The following EPHA8 variants were observed in gnomAD, a reference collection of about 807,000 sequenced individuals.
EPHA8 encodes EPH receptor A8.
EPHA8 carries 58 observed loss-of-function variants against 103.6 expected under a neutral mutation model. That is an observed-to-expected ratio of 0.56 (90% CI 0.45 to 0.70). The LOEUF (loss-of-function observed/expected upper bound fraction) is 0.70, where lower values mean the gene tolerates loss of function less well. Ranked by LOEUF, EPHA8 falls within the 30% of genes least tolerant of loss-of-function variation. The pLI is 0.00. For missense variants in EPHA8, 1,304 were observed against 1,395.2 expected, an observed-to-expected ratio of 0.93 and a Z score of 1.04; for synonymous variants, 559 against 572.5, an observed-to-expected ratio of 0.98 and a Z score of 0.34.
intron 8 of EPHA8, 88 bp from the exon 9 acceptor site, chr1:22,596,018 A>G: frequency 1.6e-6 from 2 of 1,235,476 alleles, no homozygotes; most frequent in Non-Finnish European, 1.2e-6. Flanking sequence ...GGGCATGAAG[A>G]GAGAAGCCAT....
rs147123754 is a variant in EPHA8 at position 22,598,961 on chromosome 1, G to A, written c.2302G>A (p.Val768Ile). The change falls in exon 13 of 17, where the codon GTT becomes ATT. Residue 768 changes from valine (V) to isoleucine (I), a missense_variant. Val to Ile is a conservative substitution (Grantham distance 29, BLOSUM62 3). Coordinates refer to ENST00000166244, the MANE Select transcript of EPHA8 (RefSeq NM_020526.5). The surrounding 1 kb of genome is among the most constrained non-coding windows in gnomAD (Gnocchi z 5.1). ...AGACCTGGCCGCCCGCAACGTCCTGGTTGACAGCAACCTGGTCTGCAAGGT... is the reference window on the plus strand; with the variant it reads ...AGACCTGGCCGCCCGCAACGTCCTGATTGACAGCAACCTGGTCTGCAAGGT... ...HRDLAARNVL[V>I]DSNLVCKVSD... 6 of 1,611,904 alleles carry A rather than the reference G, an allele frequency of 3.7e-6. No homozygotes were observed. The African/African-American group carries it at 6.7e-5, about 18-fold the overall frequency.
chr1:22,586,689 C>A (rs2148249498), intron 4 of EPHA8, 54 bp downstream of exon 4: 1 of 1,591,372 alleles, frequency 6.3e-7, no homozygotes, highest in South Asian at 1.1e-5. Flanking sequence ...GGGCCGGGCC[C>A]CTGTGTTTGG....
chr1:22,578,135 CAT>C (rs1446548675), intron 3 of EPHA8, among the ~76,000 whole-genome samples: 13 of 76,346 alleles, frequency 1.7e-4, no homozygotes, highest in Admixed American at 4.3e-4. Flanking sequence ...TGCATGTGTG[CAT>C]GTGTGTATGT....
At position 22,602,702 on chromosome 1, in the gene EPHA8, C is replaced by T. The variant is rs1641773942; in HGVS notation, c.*961C>T. The T allele has an allele frequency of 6.5e-6, 1 of 152,758 alleles. No individual in the cohort carries two copies. Among genetic ancestry groups the T allele is most frequent in the Non-Finnish European group, 1.5e-5 (1 of 68,266 alleles). 9.5% of individuals were successfully genotyped at this position (152,758 alleles called of 1,614,324 possible). A position where few individuals can be genotyped will look rare whatever the true frequency, so the allele number is the denominator to read the frequency against. ...CCCAGCCCTGACACCTGCCCTTTGT[C>T]CCCCAGGCCTAGGATCAGGGACCAG... On this transcript the variant is annotated 3_prime_UTR_variant, in exon 17 of 17. Transcript: ENST00000166244.
At chr1:22,572,045 T>G (rs1379843329) in intron 2 of EPHA8, among the ~76,000 whole-genome samples, 2 of 151,938 alleles carry the variant, frequency 1.3e-5, no homozygotes, top group South Asian at 4.1e-4. Context: ...AAATAAAAAA[T>G]AATAAGCTTT....
rs1641593823 is a variant in EPHA8 at position 22,598,824 on chromosome 1, A to ATGTCCCCCTGCAGACCCACGAC, written c.2179-13_2187dup. On this transcript the variant is annotated splice_polypyrimidine_tract_variant and intron_variant, in intron 12 of 16. Transcript: ENST00000166244. This position sits in a 1 kb window ranked among gnomAD's most constrained non-coding sequence, Gnocchi z 5.1. Reference sequence around the variant, plus strand: ...GCCGGGCTTTCCTGAAGTCCAAGCCATGTCCCCCTGCAGACCCACGACGGG... The same window carrying ATGTCCCCCTGCAGACCCACGAC: ...GCCGGGCTTTCCTGAAGTCCAAGCCATGTCCCCCTGCAGACCCACGACTGTCCCCCTGCAGACCCACGACGGG... 6.2e-7 allele frequency: 1 copy of ATGTCCCCCTGCAGACCCACGAC among 1,610,268 alleles called. No individual in the cohort carries two copies. Among genetic ancestry groups the ATGTCCCCCTGCAGACCCACGAC allele is most frequent in the African/African-American group, 1.3e-5 (1 of 74,782 alleles).
chr1:22,597,893 C>A lies in EPHA8; in HGVS notation c.2116+32C>A. On this transcript the variant is annotated intron_variant, in intron 11 of 16. Transcript: ENST00000166244. This position sits in a 1 kb window ranked among gnomAD's most constrained non-coding sequence, Gnocchi z 4.6. ...GCCGGGCAAAGACAGCCTCCCCCTG[C>A]AGTGCCCCTCCTGCCTGGAGAGGCC... 2 of 1,590,300 alleles carry A rather than the reference C, an allele frequency of 1.3e-6. No homozygotes were observed. The highest frequency in any genetic ancestry group is 8.6e-7 in the Non-Finnish European group (1 of 1,167,182).
intron 2 of EPHA8, among the ~76,000 whole-genome samples, chr1:22,572,756 C>T (rs1211412645): frequency 6.6e-6 from 1 of 152,216 alleles, no homozygotes; most frequent in Non-Finnish European, 1.5e-5. Context: ...GGGAGGAGGA[C>T]AGAGTTGGGG....
In EPHA8 at chr1:22,598,776, C is replaced by T. The variant is rs1473575577; in HGVS notation, c.2179-62C>T. The T allele has an allele frequency of 1.9e-5, 29 of 1,546,522 alleles. No homozygotes were observed. Among genetic ancestry groups the T allele is most frequent in the Non-Finnish European group, 2.5e-5 (28 of 1,132,060 alleles). On this transcript the variant is annotated intron_variant, in intron 12 of 16. Coordinates refer to ENST00000166244, the MANE Select transcript of EPHA8 (RefSeq NM_020526.5). This position sits in a 1 kb window ranked among gnomAD's most constrained non-coding sequence, Gnocchi z 5.1. ...GAGCATCCTACAGATGGGAGGTGTT[C>T]CTGTTCACGGACCAGGCGCCTCGCC... is the stretch of plus-strand genomic sequence containing the variant.
intron 2 of EPHA8, among the ~76,000 whole-genome samples, chr1:22,572,808 A>C (rs930484193): frequency 1.3e-5 from 2 of 152,140 alleles, no homozygotes; most frequent in Non-Finnish European, 2.9e-5. Context: ...CGGAGATGAG[A>C]GTGGCACCCA....
In EPHA8 at chr1:22,589,004, G is replaced by A. The variant is rs1641297624; in HGVS notation, c.1113G>A (p.Trp371Ter). The A allele has an allele frequency of 6.2e-7, 1 of 1,613,166 alleles. No individual in the cohort carries two copies. Among genetic ancestry groups the A allele is most frequent in the African/African-American group, 1.3e-5 (1 of 74,920 alleles). Residue 371 changes from tryptophan (W) to a stop codon, truncating the protein, a stop_gained, in exon 5 of 17, where the codon TGG (tryptophan) becomes TGA (stop). Transcript: ENST00000166244. LOFTEE classifies it high-confidence loss of function. This position sits in a 1 kb window ranked among gnomAD's most constrained non-coding sequence, Gnocchi z 4.3. ...TYNAVCRRCP[W>*]ALSRCEACGS... is the part of the protein sequence containing the mutation. ...ATGCCGTGTGCCGCCGCTGCCCCTGGGCACTGAGCCGCTGCGAGGCATGTG... is the reference window on the plus strand; with the variant it reads ...ATGCCGTGTGCCGCCGCTGCCCCTGAGCACTGAGCCGCTGCGAGGCATGTG...
In EPHA8 at chr1:22,586,515, G is replaced by C; in HGVS notation, c.859G>C (p.Asp287His). ...GGGCTTCTACAAGTCAGCCCCTGGGGACCAGCTGTGTGCCCGCTGCCCTCC... is the reference window on the plus strand; with the variant it reads ...GGGCTTCTACAAGTCAGCCCCTGGGCACCAGCTGTGTGCCCGCTGCCCTCC... Reference protein sequence around the residue: ...ELGFYKSAPGDQLCARCPPHS... With the variant: ...ELGFYKSAPGHQLCARCPPHS... The change falls in exon 4 of 17, where the codon GAC becomes CAC. Residue 287 changes from aspartate to histidine, a missense_variant. By Grantham distance (81) the Asp-to-His change is moderately conservative. Transcript: ENST00000166244. The C allele has an allele frequency of 6.2e-7, 1 of 1,613,656 alleles. No individual in the cohort carries two copies. Among genetic ancestry groups the C allele is most frequent in the Non-Finnish European group, 8.5e-7 (1 of 1,179,876 alleles).
intron 3 of EPHA8, among the ~76,000 whole-genome samples, chr1:22,578,525 G>A (rs577155110): frequency 7.4e-5 from 10 of 134,404 alleles, no homozygotes; most frequent in African/African-American, 2.8e-4. Context: ...TTATGCATGT[G>A]TGCATATGCG....
intron 5 of EPHA8, among the ~76,000 whole-genome samples, chr1:22,593,002 T>G (rs1397361253): frequency 6.6e-6 from 1 of 152,106 alleles, no homozygotes; most frequent in Non-Finnish European, 1.5e-5. Context: ...CTCCTGACCT[T>G]TCCTCCTTCC....
intron 3 of EPHA8, among the ~76,000 whole-genome samples, chr1:22,581,307 C>T (rs1009804799): frequency 6.6e-6 from 1 of 152,218 alleles, no homozygotes; most frequent in African/African-American, 2.4e-5. Flanking sequence ...TAAGTCATAA[C>T]AATCTGGCTG....
intron 3 of EPHA8, among the ~76,000 whole-genome samples, chr1:22,577,268 A>G (rs1640735329): frequency 6.6e-6 from 1 of 152,194 alleles, no homozygotes; most frequent in Non-Finnish European, 1.5e-5. Context: ...GTATTAACTC[A>G]TTGAATCCTG....
rs538319280 is a variant in EPHA8, at chr1:22,601,221, C to G, written c.2730-79C>G. 2,474 of 1,539,776 alleles carry G rather than the reference C, an allele frequency of 1.6e-3. 5 individuals are homozygous for G. The highest frequency in any genetic ancestry group is 2.1e-3 in the South Asian group (165 of 77,960). On this transcript the variant is annotated intron_variant, in intron 15 of 16. Transcript: ENST00000166244. ...GGCCCCCGGCCCCTGCCCTGCCGAACCCCTTCCTCAGCCTGCTTCTTCTGG... is the reference window on the plus strand; with the variant it reads ...GGCCCCCGGCCCCTGCCCTGCCGAAGCCCTTCCTCAGCCTGCTTCTTCTGG...
intron 8 of EPHA8, 114 bp downstream of exon 8, chr1:22,595,437 C>T: frequency 1.4e-6 from 1 of 729,546 alleles, no homozygotes; most frequent in Admixed American, 2.4e-5. Context: ...GGCTCACTTA[C>T]AAACACACCA....
rs778181369 is a variant in EPHA8 at position 22,595,281 on chromosome 1, C to A, written c.1655C>A (p.Thr552Lys). 1 of 1,613,858 alleles carries A rather than the reference C, an allele frequency of 6.2e-7. No individual in the cohort carries two copies. Residue 552 changes from threonine to lysine, a missense_variant, in exon 8 of 17, where the codon ACG becomes AAG. Coordinates refer to ENST00000166244, the MANE Select transcript of EPHA8 (RefSeq NM_020526.5). ...TIVWICLTLITGLVVLLLLLI... is the reference protein window; with the variant it reads ...TIVWICLTLIKGLVVLLLLLI... ...GTCTGGATCTGCCTGACGCTCATCA[C>A]GGGCCTGGTGGTGCTTCTGCTCCTG...
Sources: allele counts gnomAD v4.1 joint callset (sites outside exome capture counted in the v4.1 genomes callset), GRCh38; gene constraint gnomAD v4.1.1; non-coding constraint Gnocchi (gnomAD v3.1); transcripts MANE v1.5; gene names NCBI Gene and HGNC (gene_info 2026-07-23, HGNC 2026-07-21).